Variants in MMP25 observed in about 807,000 individuals in gnomAD.
MMP25 encodes the protein matrix metallopeptidase 25.
A neutral mutation model predicts 62.1 loss-of-function variants in MMP25; 68 were observed. The observed-to-expected ratio is 1.10, with a 90% CI of 0.90 to 1.34. MMP25 has a LOEUF of 1.34. Ranked by LOEUF, MMP25 falls within the 40% of genes most tolerant of loss-of-function variation. MMP25 has a pLI of 0.00. For synonymous variants in MMP25, 407 were observed against 345.6 expected, an observed-to-expected ratio of 1.18 and a Z score of -1.97; for missense variants, 942 against 792.5, an observed-to-expected ratio of 1.19 and a Z score of -2.26.
At chr16:3,056,126 G>A (rs889631482) in intron 4 of MMP25, 6 of 331,958 alleles carry the variant, frequency 1.8e-5, no homozygotes, top group Non-Finnish European at 3.0e-5. Flanking sequence ...TGGGGGAGGG[G>A]GGATGGAGGA....
Position 3,050,078 on chromosome 16 carries a change from T to A in MMP25, c.302T>A (p.Leu101Gln). Residue 101 changes from leucine (L) to glutamine (Q), a missense_variant, in exon 3 of 10, where the codon CTG becomes CAG. Leu to Gln is a moderately radical substitution (Grantham distance 113). Coordinates refer to ENST00000336577, the MANE Select transcript of MMP25 (RefSeq NM_022468.5). Reference protein sequence around the residue: ...SLPDVLGVAGLVRRRRRYALS... With the variant: ...SLPDVLGVAGQVRRRRRYALS... The stretch of plus-strand genomic sequence containing the variant: ...CCTGACGTGCTGGGGGTGGCGGGGC[T>A]GGTCAGGCGGCGTCGCCGGTACGCT... 1 of 1,611,320 alleles carries A rather than the reference T, an allele frequency of 6.2e-7. No individual in the cohort carries two copies. The highest frequency in any genetic ancestry group is 1.1e-5 in the South Asian group (1 of 91,060).
chr16:3,057,797 C>T (rs1018279254), intron 7 of MMP25, 184 bp downstream of exon 7: 1 of 632,462 alleles, frequency 1.6e-6, no homozygotes, highest in Non-Finnish European at 2.8e-6. Context: ...ATACTGGGCT[C>T]AAGCGATCCT....
chr16:3,055,862 C>T (rs759340931), intron 4 of MMP25: 30 of 455,314 alleles, frequency 6.6e-5, no homozygotes, highest in East Asian at 2.8e-4. Flanking sequence ...AGCTGGCAGG[C>T]GGCTCACCGG....
At chr16:3,055,699 G>A (rs1419118469) in intron 4 of MMP25, 1 of 356,986 alleles carries the variant, frequency 2.8e-6, no homozygotes, top group Non-Finnish European at 5.6e-6. Flanking sequence ...CAGTTCACCA[G>A]GTCGTTACCT....
Position 3,057,302 on chromosome 16 carries a change from C to T in MMP25, c.839-8C>T. 3 of 1,614,114 alleles carry T rather than the reference C, an allele frequency of 1.9e-6. No homozygotes were observed. Among genetic ancestry groups the T allele is most frequent in the Non-Finnish European group, 2.5e-6 (3 of 1,180,002 alleles). On this transcript the variant is annotated splice_region_variant and splice_polypyrimidine_tract_variant and intron_variant, in intron 5 of 9. Transcript: ENST00000336577. Reference sequence around the variant, plus strand: ...GGGACGCACACCTGCCTGACTCTTTCCTCACAGGGAAGGCGCCCCAAACCC... The same window carrying T: ...GGGACGCACACCTGCCTGACTCTTTTCTCACAGGGAAGGCGCCCCAAACCC...
In MMP25 at chr16:3,056,771, C is replaced by T. The variant is rs148428885; in HGVS notation, c.662-262C>T. ...TCCCTTCCCAGAGGAGGGGCCCCAT[C>T]GGTGTGTAAGGTGGCCTATTCCTCT... On this transcript the variant is annotated intron_variant, in intron 4 of 9. Transcript: ENST00000336577. 282 of 406,198 alleles carry T rather than the reference C, an allele frequency of 6.9e-4. 3 individuals are homozygous for T. The highest frequency in any genetic ancestry group is 4.2e-3 in the African/African-American group (200 of 48,190). The allele number at this position is 406,198 out of a possible 1,614,324, so 25.2% of individuals were successfully genotyped here. A position where few individuals can be genotyped will look rare whatever the true frequency, so the allele number is the denominator to read the frequency against.
Position 3,059,148 on chromosome 16 carries a change from G to C in MMP25, c.*50G>C. ...AGCGCCCTCCACGGCCGAGTCCCCC[G>C]CCGCTGGACCTGGTCGGGGGTTGTG... On this transcript the variant is annotated 3_prime_UTR_variant, in exon 10 of 10. Transcript: ENST00000336577. The C allele has an allele frequency of 6.8e-7, 1 of 1,474,910 alleles. No individual in the cohort carries two copies. Among genetic ancestry groups the C allele is most frequent in the South Asian group, 1.3e-5 (1 of 74,406 alleles). 91.4% of individuals were successfully genotyped at this position (1,474,910 alleles called of 1,614,324 possible). A position where few individuals can be genotyped will look rare whatever the true frequency, so the allele number is the denominator to read the frequency against.
intron 9 of MMP25, 23 bp from the exon 10 acceptor site, chr16:3,058,804 G>T: frequency 8.7e-6 from 13 of 1,499,640 alleles, no homozygotes; most frequent in Non-Finnish European, 9.8e-6. Flanking sequence ...GGAGGGACCG[G>T]GACTCAAGCT....
At position 3,050,435 on chromosome 16, in the gene MMP25, C is replaced by G. The variant is rs764217127; in HGVS notation, c.550C>G (p.Pro184Ala). Reference protein sequence around the residue: ...FARAFHQDSYPFDGLGGTLAH... With the variant: ...FARAFHQDSYAFDGLGGTLAH... ...CCGCGCCTTCCACCAGGACAGCTAC[C>G]CCTTCGACGGGTTGGGGGGCACCCT... The change falls in exon 4 of 10, where the codon CCC becomes GCC. Residue 184 changes from proline (P) to alanine (A), a missense_variant. Physicochemically the swap from Pro to Ala is conservative, Grantham distance 27. Transcript: ENST00000336577. 1.2e-6 allele frequency: 2 copies of G among 1,613,846 alleles called. No homozygotes were observed. Among genetic ancestry groups the G allele is most frequent in the Non-Finnish European group, 1.7e-6 (2 of 1,179,990 alleles).
At position 3,057,167 on chromosome 16, in the gene MMP25, C is replaced by T. The variant is rs192194204; in HGVS notation, c.796C>T (p.Arg266Cys). The change falls in exon 5 of 10, where the codon CGC becomes TGC. Residue 266 changes from arginine (R) to cysteine (C), a missense_variant. Coordinates refer to ENST00000336577, the MANE Select transcript of MMP25 (RefSeq NM_022468.5). ...QGPVGDPDKY[R>C]LSQDDRDGLQ... ...TCCGGTGGGCGACCCTGACAAGTAC[C>T]GCCTGTCTCAGGATGACCGCGATGG... The T allele has an allele frequency of 4.8e-5, 77 of 1,612,804 alleles. No homozygotes were observed. In the East Asian group the frequency reaches 8.7e-4, roughly 18 times the overall value.
At position 3,059,223 on chromosome 16, in the gene MMP25, C is replaced by A; in HGVS notation, c.*125C>A. ...GTTCCCACGGACGGGGGCTCGGGCG[C>A]GGACTAAGCAGGGGGGATCTCCCGC... On this transcript the variant is annotated 3_prime_UTR_variant, in exon 10 of 10. Coordinates refer to ENST00000336577, the MANE Select transcript of MMP25 (RefSeq NM_022468.5). 1 of 1,208,792 alleles carries A rather than the reference C, an allele frequency of 8.3e-7. No individual in the cohort carries two copies. The highest frequency in any genetic ancestry group is 1.1e-6 in the Non-Finnish European group (1 of 906,288). The allele number at this position is 1,208,792 out of a possible 1,614,324, so 74.9% of individuals were successfully genotyped here. A position where few individuals can be genotyped will look rare whatever the true frequency, so the allele number is the denominator to read the frequency against.
Position 3,058,323 on chromosome 16 carries a change from C to T in MMP25, c.1149C>T (p.Leu383=). 1 of 1,591,716 alleles carries T rather than the reference C, an allele frequency of 6.3e-7. No individual in the cohort carries two copies. Among genetic ancestry groups the T allele is most frequent in the African/African-American group, 1.4e-5 (1 of 73,454 alleles). ...CTCGGCACCGAGACGGCCGAATCCT[C>T]CTCTTTAGCGGTGAGTGGGGCCGGC... ...AYARHRDGRI[L]LFSGPQFWVF... is the part of the protein sequence containing the mutation. The change falls in exon 8 of 10, where the codon CTC becomes CTT. Residue 383 remains leucine (L), a synonymous_variant. Transcript: ENST00000336577.
In MMP25 at chr16:3,058,944, G is replaced by A. The variant is rs370097888; in HGVS notation, c.1535G>A (p.Ser512Asn). Residue 512 changes from serine (S) to asparagine (N), a missense_variant, in exon 10 of 10, where the codon AGC (serine) becomes AAC (asparagine). Physicochemically the swap from Ser to Asn is conservative, Grantham distance 46. Coordinates refer to ENST00000336577, the MANE Select transcript of MMP25 (RefSeq NM_022468.5). ...AACTGGCTGGACTGCCCCGCCCCGA[G>A]CTCTGGTCCCCGCGCCCCCAGGCCC... ...GPNWLDCPAP[S>N]SGPRAPRPPK... The A allele has an allele frequency of 8.5e-5, 131 of 1,548,944 alleles. No individual in the cohort carries two copies. The highest frequency in any genetic ancestry group is 1.1e-4 in the Non-Finnish European group (126 of 1,146,362).
rs1420824665 is a variant in MMP25 at position 3,058,974 on chromosome 16, A to G, written c.1565A>G (p.Lys522Arg). Residue 522 changes from lysine to arginine, a missense_variant, in exon 10 of 10, where the codon AAA (lysine) becomes AGA (arginine). By Grantham distance (26) the Lys-to-Arg change is conservative. Transcript: ENST00000336577. ...SSGPRAPRPP[K>R]ATPVSETCDC... ...GGTCCCCGCGCCCCCAGGCCCCCCA[A>G]AGCGACCCCCGTGTCCGAAACCTGC... The G allele has an allele frequency of 1.9e-6, 3 of 1,552,890 alleles. No homozygotes were observed. Among genetic ancestry groups the G allele is most frequent in the Admixed American group, 1.9e-5 (1 of 51,616 alleles).
Position 3,058,878 on chromosome 16 carries a change from G to A in MMP25, c.1469G>A (p.Ser490Asn). 1 of 1,557,348 alleles carries A rather than the reference G, an allele frequency of 6.4e-7. No individual in the cohort carries two copies. The highest frequency in any genetic ancestry group is 8.7e-7 in the Non-Finnish European group (1 of 1,150,566). Reference sequence around the variant, plus strand: ...CACTACTGGCGCTTCCCCAAGAACAGCATCAAGACCGAGCCGGACGCCCCC... The same window carrying A: ...CACTACTGGCGCTTCCCCAAGAACAACATCAAGACCGAGCCGGACGCCCCC... ...GAHYWRFPKN[S>N]IKTEPDAPQP... Residue 490 changes from serine (S) to asparagine (N), a missense_variant, in exon 10 of 10, where the codon AGC becomes AAC. By Grantham distance (46) the Ser-to-Asn change is conservative. Coordinates refer to ENST00000336577, the MANE Select transcript of MMP25 (RefSeq NM_022468.5).
chr16:3,057,532 C>G lies in MMP25; in HGVS notation c.925C>G (p.Pro309Ala), dbSNP rs1032151232. The G allele has an allele frequency of 1.2e-6, 2 of 1,613,872 alleles. No individual in the cohort carries two copies. The highest frequency in any genetic ancestry group is 1.7e-5 in the Admixed American group (1 of 60,012). The change falls in exon 7 of 10, where the codon CCA becomes GCA. Residue 309 changes from proline (P) to alanine (A), a missense_variant and splice_region_variant. Coordinates refer to ENST00000336577, the MANE Select transcript of MMP25 (RefSeq NM_022468.5). ...ACTCACCTCTCCTTTCCTCCCCAGC[C>G]CATCCTTCCCCATCCCTGATCGATG... ...PQPPASPTHS[P>A]SFPIPDRCEG... is the part of the protein sequence containing the mutation.
intron 4 of MMP25, chr16:3,055,021 C>T (rs1955981864): frequency 1.3e-5 from 2 of 153,326 alleles, no homozygotes; most frequent in South Asian, 1.9e-4. Context: ...CAGATGACAT[C>T]GATGTCCTGT....
chr16:3,049,272 G>A (rs1051418961), intron 2 of MMP25, among the ~76,000 whole-genome samples: 3 of 152,066 alleles, frequency 2.0e-5, no homozygotes, highest in African/African-American at 7.2e-5. Context: ...ATATTTTGGA[G>A]GCAGGGCCGA....
intron 2 of MMP25, 120 bp downstream of exon 2, chr16:3,047,667 C>T: frequency 8.5e-7 from 1 of 1,178,078 alleles, no homozygotes; most frequent in Non-Finnish European, 1.2e-6. Flanking sequence ...GATCTCAGGC[C>T]CCAAACCCAG....
Sources: gnomAD v4.1 joint callset for allele counts (sites outside exome capture counted in the v4.1 genomes callset) on GRCh38, gnomAD v4.1.1 for gene constraint, MANE v1.5 for transcripts, NCBI Gene and HGNC (gene_info 2026-07-23, HGNC 2026-07-21) for gene names.